CHN2: variants seen among roughly 807,000 people sequenced by gnomAD.
CHN2 encodes the protein chimerin 2, also known as beta-chimaerin.
A neutral mutation model predicts 56.3 loss-of-function variants in CHN2; 35 were observed. The observed-to-expected ratio is 0.62, with a 90% CI of 0.47 to 0.82. The LOEUF (loss-of-function observed/expected upper bound fraction) is 0.82. Among genes scored for constraint, CHN2 ranks in the 40% least tolerant of loss-of-function variants. The pLI is 0.00. For missense variants in CHN2, 491 were observed against 580.5 expected, an observed-to-expected ratio of 0.85 and a Z score of 1.58; for synonymous variants, 210 against 212.8, an observed-to-expected ratio of 0.99 and a Z score of 0.12.
At chr7:29,172,260 A>G (rs909452385) in intron 2 of CHN2, among the ~76,000 whole-genome samples, 5 of 152,168 alleles carry the variant, frequency 3.3e-5, no homozygotes, top group Admixed American at 2.6e-4. Flanking sequence ...GAGTTCTTGA[A>G]AGCATGGTTG....
exon 1 of CHN2, chr7:29,146,592 G>A (rs1460188389): frequency 1.3e-6 from 2 of 1,550,192 alleles, no homozygotes; most frequent in Non-Finnish European, 1.7e-6. Context: ...ACATGACCCA[G>A]ACCCACAGGG....
intron 2 of CHN2, among the ~76,000 whole-genome samples, chr7:29,154,567 C>T (rs1391962778): frequency 6.6e-6 from 1 of 152,206 alleles, no homozygotes; most frequent in Non-Finnish European, 1.5e-5. Flanking sequence ...GGCACGGTGA[C>T]TCATGCCTGT....
intron 6 of CHN2, among the ~76,000 whole-genome samples, chr7:29,423,328 C>T (rs1804533646): frequency 6.6e-6 from 1 of 152,236 alleles, no homozygotes; most frequent in Non-Finnish European, 1.5e-5. Flanking sequence ...TGCAGGCAGA[C>T]GCCCCCAGGT....
intron 3 of CHN2, 74 bp from the exon 4 acceptor site, chr7:29,393,605 T>C: frequency 1.5e-6 from 1 of 681,708 alleles, no homozygotes; most frequent in South Asian, 1.6e-5. Flanking sequence ...CTAGTTCTGT[T>C]TATTTGAATA....
intron 4 of CHN2, chr7:29,398,057 AAGGG>A (rs58159203): frequency 0.16 from 18,290 of 114,262 alleles, 2,131 homozygotes; most frequent in African/African-American, 0.47. Context: ...GGTTAAAAAA[AAGGG>A]GGGGGGGGGG....
chr7:29,421,569 G>A (rs1194562033), intron 6 of CHN2, among the ~76,000 whole-genome samples: 1 of 152,182 alleles, frequency 6.6e-6, no homozygotes, highest in Non-Finnish European at 1.5e-5. Context: ...ACTTCCTCCT[G>A]CTTTATTTCT....
chr7:29,323,580 A>G (rs1795539082), intron 1 of CHN2, among the ~76,000 whole-genome samples: 1 of 152,134 alleles, frequency 6.6e-6, no homozygotes, highest in South Asian at 2.1e-4. Flanking sequence ...GCCACGTGGG[A>G]GATGGAGTTC....
At chr7:29,147,425 T>C (rs1792903571) in intron 2 of CHN2, 1 of 158,334 alleles carries the variant, frequency 6.3e-6, no homozygotes, top group Non-Finnish European at 1.4e-5. Flanking sequence ...GGAAAAATTG[T>C]TTTAAGCCAC....
At chr7:29,271,511 T>G (rs1201188783) in intron 1 of CHN2, among the ~76,000 whole-genome samples, 1 of 152,262 alleles carries the variant, frequency 6.6e-6, no homozygotes, top group South Asian at 2.1e-4. Context: ...GCCCCTCTGG[T>G]GAATCCTTCC....
chr7:29,303,177 G>A (rs750728619), intron 1 of CHN2, among the ~76,000 whole-genome samples: 20 of 152,148 alleles, frequency 1.3e-4, no homozygotes, highest in Non-Finnish European at 1.6e-4. Flanking sequence ...GCTGGCCCAC[G>A]TTCCCCACAG....
At position 29,509,422 on chromosome 7, in the gene CHN2, G is replaced by A. The variant is rs191648989; in HGVS notation, c.1235+16G>A. On this transcript the variant is annotated intron_variant, in intron 12 of 12. Coordinates refer to ENST00000222792, the MANE Select transcript of CHN2 (RefSeq NM_004067.4). ...ACCTCAAAAAGTAAGCTCATGTCTC[G>A]TGCACAAAGCCTGCTCTGCTCCTAG... 47 of 1,594,740 alleles carry A rather than the reference G, an allele frequency of 2.9e-5. No homozygotes were observed. Among genetic ancestry groups the A allele is most frequent in the African/African-American group, 6.7e-5 (5 of 74,558 alleles).
intron 6 of CHN2, among the ~76,000 whole-genome samples, chr7:29,402,802 C>G (rs975207871): frequency 1.3e-5 from 2 of 152,156 alleles, no homozygotes; most frequent in Non-Finnish European, 2.9e-5. Context: ...TCAACAGAAA[C>G]TGATATTTCT....
chr7:29,308,462 G>GGT (rs10609046), intron 1 of CHN2, among the ~76,000 whole-genome samples: 15 of 151,300 alleles, frequency 9.9e-5, no homozygotes, highest in Middle Eastern at 3.4e-3. Flanking sequence ...AGGTGGTTGG[G>GGT]GTGTGTGTGT....
chr7:29,175,428 G>A lies in CHN2; in HGVS notation c.274+28468G>A, dbSNP rs547377353. 1.4e-4 allele frequency among the ~76,000 whole-genome samples: 22 copies of A among 151,966 alleles called. No individual in the cohort carries two copies. The East Asian group carries it at 2.5e-3, about 17-fold the overall frequency. ...AGACTTCGGGTTTTCTGCCCGCCTC[G>A]GCCTCCCAAAGTGCTGGGATTACAG... is the stretch of plus-strand genomic sequence containing the variant. On this transcript the variant is annotated intron_variant, in intron 2 of 6. Coordinates refer to the CHN2 transcript ENST00000439384.
At chr7:29,256,415 T>C (rs1451926213) in intron 1 of CHN2, among the ~76,000 whole-genome samples, 2 of 152,252 alleles carry the variant, frequency 1.3e-5, no homozygotes, top group Non-Finnish European at 2.9e-5. Context: ...TATGTGAACA[T>C]TCGAAAGAAG....
intron 1 of CHN2, among the ~76,000 whole-genome samples, chr7:29,310,718 CAG>C (rs1585028671): frequency 6.6e-6 from 1 of 152,298 alleles, no homozygotes. Flanking sequence ...GATTCATAAA[CAG>C]GGCCTGTGTC....
At chr7:29,398,352 T>C (rs766353628) in intron 4 of CHN2, 21 bp from the exon 5 acceptor site, 15 of 1,550,622 alleles carry the variant, frequency 9.7e-6, no homozygotes, top group South Asian at 2.2e-5. Context: ...GTTCAGAGCA[T>C]TGATGGTCTT....
At chr7:29,208,651 G>A (rs1394975125) in intron 1 of CHN2, among the ~76,000 whole-genome samples, 5 of 152,032 alleles carry the variant, frequency 3.3e-5, no homozygotes, top group East Asian at 1.9e-4. Flanking sequence ...ACTGTTCCTG[G>A]GACCTGCTGT....
chr7:29,385,783 AT>A (rs1385944483), intron 3 of CHN2, among the ~76,000 whole-genome samples: 1 of 152,222 alleles, frequency 6.6e-6, no homozygotes, highest in Non-Finnish European at 1.5e-5. Context: ...ATCACTGATA[AT>A]CATAATTTCT....
Sources: gnomAD v4.1 joint callset for allele counts (sites outside exome capture counted in the v4.1 genomes callset) on GRCh38, gnomAD v4.1.1 for gene constraint, MANE v1.5 for transcripts, NCBI Gene and HGNC (gene_info 2026-07-23, HGNC 2026-07-21) for gene names.